PRKD1: variants seen among roughly 807,000 people sequenced by gnomAD.
PRKD1 encodes the protein serine/threonine-protein kinase D1.
A neutral mutation model predicts 95.9 loss-of-function variants in PRKD1; 63 were observed. That is an observed-to-expected ratio of 0.66 (90% CI 0.54 to 0.81). The LOEUF (loss-of-function observed/expected upper bound fraction) is 0.81. Ranked by LOEUF, PRKD1 falls within the 30% of genes least tolerant of loss-of-function variation. The pLI, the probability that PRKD1 is intolerant of heterozygous loss-of-function variation, is 0.00. For missense variants in PRKD1, 1,048 were observed against 1,165.3 expected (o/e 0.90, Z 1.47); for synonymous variants, 425 against 423.1 (o/e 1.00, Z -0.05).
chr14:29,774,817 TCAAA>T (rs1422177600), intron 1 of PRKD1, among the ~76,000 whole-genome samples: 1 of 152,158 alleles, frequency 6.6e-6, no homozygotes, highest in African/African-American at 2.4e-5. Context: ...TTCCAAAGCT[TCAAA>T]CAGTTAGGAG....
intron 13 of PRKD1, among the ~76,000 whole-genome samples, chr14:29,604,390 C>A (rs1418128220): frequency 6.6e-6 from 1 of 152,080 alleles, no homozygotes. Context: ...GCAGTGCAGT[C>A]TTAATATGGG....
At chr14:29,726,093 CA>C (rs748622675) in intron 1 of PRKD1, among the ~76,000 whole-genome samples, 15 of 151,982 alleles carry the variant, frequency 9.9e-5, no homozygotes, top group African/African-American at 1.7e-4. Flanking sequence ...AATTTGTTTG[CA>C]AAAAACTGGG....
intron 1 of PRKD1, among the ~76,000 whole-genome samples, chr14:29,921,198 T>A (rs1385263309): frequency 6.6e-6 from 1 of 152,164 alleles, no homozygotes; most frequent in Non-Finnish European, 1.5e-5. Flanking sequence ...TATCAGCAAA[T>A]GTGTCTTTCA....
At chr14:29,883,892 G>A (rs1193150709) in intron 1 of PRKD1, among the ~76,000 whole-genome samples, 1 of 152,178 alleles carries the variant, frequency 6.6e-6, no homozygotes, top group Non-Finnish European at 1.5e-5. Flanking sequence ...ATCTGACCCT[G>A]TTAGGTGGCT....
At chr14:29,882,570 A>G (rs146772618) in intron 1 of PRKD1, among the ~76,000 whole-genome samples, 4 of 152,280 alleles carry the variant, frequency 2.6e-5, no homozygotes, top group Non-Finnish European at 5.9e-5. Flanking sequence ...CAGTTCAGTA[A>G]TGTTAAGTGT....
intron 2 of PRKD1, among the ~76,000 whole-genome samples, chr14:29,676,982 A>G (rs796679068): frequency 1.3e-5 from 2 of 152,362 alleles, no homozygotes; most frequent in African/African-American, 4.8e-5. Flanking sequence ...AGTTCTCAAT[A>G]GCTACATGTG....
intron 1 of PRKD1, among the ~76,000 whole-genome samples, chr14:29,780,630 T>C (rs1321083306): frequency 6.6e-5 from 10 of 152,018 alleles, no homozygotes; most frequent in Non-Finnish European, 1.2e-4. Context: ...ATTAAAAAGT[T>C]AGGAAACAAC....
intron 2 of PRKD1, among the ~76,000 whole-genome samples, chr14:29,698,435 C>A (rs1367606134): frequency 6.6e-6 from 1 of 152,104 alleles, no homozygotes; most frequent in Non-Finnish European, 1.5e-5. Flanking sequence ...AAAATGACTT[C>A]TTAAGGAAAA....
chr14:29,784,868 A>T (rs1889197989), intron 1 of PRKD1, among the ~76,000 whole-genome samples: 1 of 152,226 alleles, frequency 6.6e-6, no homozygotes, highest in Admixed American at 6.6e-5. Flanking sequence ...ACTCTGATTG[A>T]AAAGAGAACT....
At chr14:29,683,356 C>T (rs1178437609) in intron 2 of PRKD1, among the ~76,000 whole-genome samples, 2 of 152,138 alleles carry the variant, frequency 1.3e-5, no homozygotes, top group Non-Finnish European at 2.9e-5. Flanking sequence ...AAATCACCAG[C>T]AGGAGATGTG....
intron 16 of PRKD1, among the ~76,000 whole-genome samples, chr14:29,580,389 G>T (rs1468327996): frequency 3.3e-5 from 5 of 152,086 alleles, no homozygotes; most frequent in Admixed American, 3.3e-4. Flanking sequence ...CAAGGCAATG[G>T]CAACTACTTC....
At chr14:29,797,345 G>C (rs1449376445) in intron 1 of PRKD1, among the ~76,000 whole-genome samples, 1 of 152,142 alleles carries the variant, frequency 6.6e-6, no homozygotes, top group Non-Finnish European at 1.5e-5. Context: ...AATGCAGTAA[G>C]TTTACATCAA....
At chr14:29,816,089 A>T (rs1229895399) in intron 1 of PRKD1, among the ~76,000 whole-genome samples, 1 of 152,260 alleles carries the variant, frequency 6.6e-6, no homozygotes, top group South Asian at 2.1e-4. Context: ...GTCGTGGCAC[A>T]TGCCTGTAAT....
rs143215405 is a variant in PRKD1 at position 29,769,892 on chromosome 14, G to A, written c.265-44218C>T. On this transcript the variant is annotated intron_variant, in intron 1 of 17. Coordinates refer to ENST00000331968, the MANE Select transcript of PRKD1 (RefSeq NM_002742.3). ...ACATTATACCTGCTATGATCTAAAC[G>A]TCTATGTACTACCATAATTCATATG... is the stretch of plus-strand genomic sequence containing the variant. 4.0e-3 allele frequency among the ~76,000 whole-genome samples: 611 copies of A among 152,154 alleles called. 2 individuals are homozygous for A. The highest frequency in any genetic ancestry group is 0.01 in the African/African-American group (428 of 41,504).
chr14:29,905,300 A>C lies in PRKD1; in HGVS notation c.264+21949T>G, dbSNP rs191943605. On this transcript the variant is annotated intron_variant, in intron 1 of 17. Coordinates refer to ENST00000331968, the MANE Select transcript of PRKD1 (RefSeq NM_002742.3). ...AACCTGGACCAATTCCTAAAATTTG[A>C]CCAAGTTTCCCAGTAGGGACTCTAG... Among the ~76,000 whole-genome samples the C allele has an allele frequency of 2.0e-3, 299 of 152,270 alleles. 1 individual carries two copies. Among genetic ancestry groups the C allele is most frequent in the Middle Eastern group, 3.4e-3 (1 of 294 alleles).
intron 2 of PRKD1, among the ~76,000 whole-genome samples, chr14:29,720,903 G>T (rs1306166358): frequency 6.6e-6 from 1 of 152,148 alleles, no homozygotes; most frequent in Non-Finnish European, 1.5e-5. Context: ...CAGCCCCTCA[G>T]ATAAGTACCT....
intron 1 of PRKD1, among the ~76,000 whole-genome samples, chr14:29,909,057 G>T (rs1047919902): frequency 6.6e-6 from 1 of 152,214 alleles, no homozygotes; most frequent in East Asian, 1.9e-4. Context: ...TGAGTTCCGG[G>T]TGGGCGTGGG....
chr14:29,581,773 A>G (rs1419543793), intron 16 of PRKD1, among the ~76,000 whole-genome samples: 1 of 152,168 alleles, frequency 6.6e-6, no homozygotes, highest in Non-Finnish European at 1.5e-5. Context: ...TCTGCCTCAT[A>G]TCGTTAATTC....
intron 1 of PRKD1, among the ~76,000 whole-genome samples, chr14:29,921,075 T>C (rs964995854): frequency 1.6e-4 from 25 of 152,208 alleles, no homozygotes; most frequent in African/African-American, 5.8e-4. Flanking sequence ...CTATTTTATT[T>C]CCTTTTTAAA....
Sources: allele counts gnomAD v4.1 joint callset (sites outside exome capture counted in the v4.1 genomes callset), GRCh38; gene constraint gnomAD v4.1.1; transcripts MANE v1.5; gene names NCBI Gene and HGNC (gene_info 2026-07-23, HGNC 2026-07-21).